The following STK3 variants were observed in gnomAD, a reference collection of about 807,000 sequenced individuals.
The protein encoded by STK3 is serine/threonine kinase 3.
STK3 carries 41 observed loss-of-function variants against 58.0 expected under a neutral mutation model. The ratio of observed to expected loss-of-function variants is 0.71; its 90% CI spans 0.55 to 0.92. The LOEUF is 0.92. STK3 is among the 40% of genes least tolerant of loss of function. The pLI is 0.00. For synonymous variants in STK3, 170 were observed against 191.0 expected (o/e 0.89, Z 0.91); for missense variants, 479 against 602.7 (o/e 0.79, Z 2.15).
chr8:98,642,738 T>C (rs534599949), intron 6 of STK3, among the ~76,000 whole-genome samples: 11 of 152,214 alleles, frequency 7.2e-5, no homozygotes, highest in Non-Finnish European at 1.5e-4. Flanking sequence ...TCTAAAACAG[T>C]TTACATCCTT....
chr8:98,748,772 T>C (rs1262460715), intron 4 of STK3, among the ~76,000 whole-genome samples: 1 of 151,918 alleles, frequency 6.6e-6, no homozygotes, highest in African/African-American at 2.4e-5. Context: ...GCTAAATTTA[T>C]AGAAATATAT....
chr8:98,801,019 T>C (rs1482949516), intron 1 of STK3, among the ~76,000 whole-genome samples: 1 of 152,208 alleles, frequency 6.6e-6, no homozygotes, highest in African/African-American at 2.4e-5. Context: ...GGCCCTGGCA[T>C]GGGATTCACT....
intron 8 of STK3, among the ~76,000 whole-genome samples, chr8:98,552,731 G>A (rs1586844122): frequency 6.6e-6 from 1 of 152,090 alleles, no homozygotes; most frequent in South Asian, 2.1e-4. Context: ...CCACTAGAAT[G>A]TAAGTCTGAT....
intron 3 of STK3, among the ~76,000 whole-genome samples, chr8:98,755,616 T>C (rs940637413): frequency 1.2e-4 from 18 of 152,188 alleles, no homozygotes; most frequent in African/African-American, 9.7e-5. Flanking sequence ...AATCCACAGA[T>C]TGGAAAAGAA....
chr8:98,656,229 G>C (rs539218273), intron 6 of STK3, among the ~76,000 whole-genome samples: 1 of 151,850 alleles, frequency 6.6e-6, no homozygotes, highest in Admixed American at 6.6e-5. Context: ...GTAAACTATC[G>C]CAAGGACAAA....
chr8:98,573,165 T>G (rs1378972410), intron 8 of STK3, among the ~76,000 whole-genome samples: 2 of 152,076 alleles, frequency 1.3e-5, no homozygotes, highest in African/African-American at 2.4e-5. Context: ...TTCAGGAAGG[T>G]AAGGGAAATA....
chr8:98,497,195 G>A (rs1321519139), intron 10 of STK3, among the ~76,000 whole-genome samples: 5 of 152,118 alleles, frequency 3.3e-5, no homozygotes, highest in Admixed American at 3.3e-4. Flanking sequence ...ATAACTCAAT[G>A]AGGGAAAGAA....
At chr8:98,504,642 C>T (rs1293212188) in intron 10 of STK3, among the ~76,000 whole-genome samples, 2 of 152,154 alleles carry the variant, frequency 1.3e-5, no homozygotes, top group Non-Finnish European at 1.5e-5. Context: ...TTCTCCTTCA[C>T]TTATGAAGCT....
At chr8:98,362,864 AC>A in the STK3 span, among the ~76,000 whole-genome samples, 4 of 152,216 alleles carry the variant, frequency 2.6e-5, no homozygotes, top group African/African-American at 9.6e-5. Flanking sequence ...CACCTCAGCA[AC>A]CCAGAAGGAT....
At chr8:98,590,997 A>T (rs936988225) in intron 7 of STK3, among the ~76,000 whole-genome samples, 3 of 151,978 alleles carry the variant, frequency 2.0e-5, no homozygotes, top group Non-Finnish European at 2.9e-5. Context: ...TAATTTTACC[A>T]CCTGCTAATC....
intron 1 of STK3, among the ~76,000 whole-genome samples, chr8:98,942,049 C>T (rs1020643371): frequency 6.6e-6 from 1 of 152,250 alleles, no homozygotes; most frequent in Non-Finnish European, 1.5e-5. Flanking sequence ...GCCGCGTGGC[C>T]TTTCTGCGCC....
At chr8:98,447,333 A>G (rs993831055) in intron 1 of STK3, among the ~76,000 whole-genome samples, 4 of 152,118 alleles carry the variant, frequency 2.6e-5, no homozygotes, top group African/African-American at 4.8e-5. Context: ...AGCTTCAAAG[A>G]TACCTACCTT....
rs1398019645 is a variant in STK3, at chr8:98,572,270, A to T, written c.948+7394T>A. Among the ~76,000 whole-genome samples, 3 of 152,156 alleles carry T rather than the reference A, an allele frequency of 2.0e-5. No individual in the cohort carries two copies. The East Asian group carries it at 5.8e-4, about 29-fold the overall frequency. On this transcript the variant is annotated intron_variant, in intron 8 of 10. Coordinates refer to ENST00000419617, the MANE Select transcript of STK3 (RefSeq NM_006281.4). ...TGCTTACATTTTGAATACTAGAGTT[A>T]AACTAGTACTAACTGCACAAATCCT...
chr8:98,552,252 T>A (rs1391351526), intron 8 of STK3, among the ~76,000 whole-genome samples: 1 of 152,102 alleles, frequency 6.6e-6, no homozygotes, highest in Non-Finnish European at 1.5e-5. Context: ...TCTTATTGTT[T>A]CCATTTTTGC....
chr8:98,915,005 A>G (rs1047275598), intron 1 of STK3, among the ~76,000 whole-genome samples: 7 of 152,154 alleles, frequency 4.6e-5, no homozygotes, highest in African/African-American at 1.7e-4. Flanking sequence ...ACTGTCTCTG[A>G]GCTTTGGTTT....
chr8:98,464,540 T>TAAAAAAAAAAAAAAAAAAAAAAAAAGA, intron 10 of STK3, among the ~76,000 whole-genome samples: 1 of 69,228 alleles, frequency 1.4e-5, no homozygotes, highest in African/African-American at 5.7e-5. Context: ...TACTTAAAGT[T>TAAAAAAAAAAAAAAAAAAAAAAAAAGA]AAAAAAAAAA....
At chr8:98,614,407 C>A (rs1466917010) in intron 6 of STK3, among the ~76,000 whole-genome samples, 1 of 152,134 alleles carries the variant, frequency 6.6e-6, no homozygotes, top group African/African-American at 2.4e-5. Flanking sequence ...AAAGAACACG[C>A]TTTCAAATAA....
In STK3 at chr8:98,800,896, G is replaced by A. The variant is rs1055698235; in HGVS notation, c.26+24619C>T. On this transcript the variant is annotated intron_variant, in intron 1 of 10. Coordinates refer to ENST00000419617, the MANE Select transcript of STK3 (RefSeq NM_006281.4). The surrounding 1 kb of genome is among the most constrained non-coding windows in gnomAD (Gnocchi z 4.8). ...CACCAAGGTGGGCTCCCGTGCAGCC[G>A]GAGCCTCCCCAACAGGCGCTGGCCC... is the stretch of plus-strand genomic sequence containing the variant. 1.3e-5 allele frequency among the ~76,000 whole-genome samples: 2 copies of A among 152,320 alleles called. No homozygotes were observed. The highest frequency in any genetic ancestry group is 2.4e-5 in the African/African-American group (1 of 41,570).
chr8:98,372,840 C>T (rs1304788343), intron 2 of STK3, among the ~76,000 whole-genome samples: 1 of 152,188 alleles, frequency 6.6e-6, no homozygotes, highest in Admixed American at 6.5e-5. Flanking sequence ...TTTGGGAAAG[C>T]GCTTGGTCTC....
Sources: gnomAD v4.1 joint callset for allele counts (sites outside exome capture counted in the v4.1 genomes callset) on GRCh38, gnomAD v4.1.1 for gene constraint, Gnocchi (gnomAD v3.1) non-coding constraint, MANE v1.5 for transcripts, NCBI Gene and HGNC (gene_info 2026-07-23, HGNC 2026-07-21) for gene names.